The following ITLN2 variants were observed in gnomAD, a reference collection of about 807,000 sequenced individuals.
ITLN2 encodes intelectin 2, also known as intelectin-2.
In ITLN2, 29 loss-of-function variants were observed where a neutral mutation model predicts 39.4. The observed-to-expected ratio is 0.74, with a 90% CI of 0.55 to 1.00. The LOEUF is 1.00. Ranked by LOEUF, ITLN2 falls within the 50% of genes least tolerant of loss-of-function variation. The probability of loss-of-function intolerance (pLI) is 0.00; values close to 1 mark genes in which losing one functional copy is unlikely to be tolerated. For missense variants in ITLN2, 412 were observed against 416.7 expected, an observed-to-expected ratio of 0.99 and a Z score of 0.10; for synonymous variants, 156 against 153.4, an observed-to-expected ratio of 1.02 and a Z score of -0.12.
At position 160,954,717 on chromosome 1, in the gene ITLN2, T is replaced by C. The variant is rs2101942138; in HGVS notation, c.15+10A>G. ...CTCCCACACACATGGATCAAAAACA[T>C]TTTTCTCACCAGCATGGACAGCATC... On this transcript the variant is annotated intron_variant, in intron 1 of 7. Coordinates refer to ENST00000368029, the MANE Select transcript of ITLN2 (RefSeq NM_080878.3). 1 of 1,613,944 alleles carries C rather than the reference T, an allele frequency of 6.2e-7. No homozygotes were observed. Among genetic ancestry groups the C allele is most frequent in the Non-Finnish European group, 8.5e-7 (1 of 1,179,884 alleles).
At chr1:160,950,760 G>A (rs762771704) in intron 4 of ITLN2, 49 bp from the exon 5 acceptor site, 2 of 1,580,616 alleles carry the variant, frequency 1.3e-6, no homozygotes, top group South Asian at 1.2e-5. Flanking sequence ...GGTACCAGGA[G>A]GCAGAAGGTC....
intron 7 of ITLN2, among the ~76,000 whole-genome samples, chr1:160,945,886 C>T (rs1218744412): frequency 1.3e-5 from 2 of 152,148 alleles, no homozygotes; most frequent in African/African-American, 2.4e-5. Context: ...AAATATAAAG[C>T]TTCTAAAAGT....
intron 7 of ITLN2, among the ~76,000 whole-genome samples, chr1:160,947,685 T>C (rs1028347835): frequency 6.6e-6 from 1 of 152,230 alleles, no homozygotes; most frequent in Admixed American, 6.5e-5. Flanking sequence ...AACATATTGT[T>C]AACAAGGCAC....
At chr1:160,945,556 C>T (rs1671582313) in intron 7 of ITLN2, among the ~76,000 whole-genome samples, 1 of 152,194 alleles carries the variant, frequency 6.6e-6, no homozygotes, top group African/African-American at 2.4e-5. Flanking sequence ...AGGAAAAGGG[C>T]ATAAAGACAT....
intron 2 of ITLN2, among the ~76,000 whole-genome samples, chr1:160,953,256 G>A (rs935805242): frequency 2.0e-5 from 3 of 152,154 alleles, no homozygotes; most frequent in Admixed American, 6.5e-5. Flanking sequence ...AAAAACTACA[G>A]GTCAGTCGCT....
chr1:160,946,991 G>A (rs753519634), intron 7 of ITLN2, among the ~76,000 whole-genome samples: 8 of 152,164 alleles, frequency 5.3e-5, no homozygotes, highest in Non-Finnish European at 7.3e-5. Flanking sequence ...CAGAGACAAA[G>A]TATAGAGAAA....
intron 1 of ITLN2, 109 bp downstream of exon 1, chr1:160,954,618 A>G (rs1460367297): frequency 2.9e-6 from 4 of 1,381,320 alleles, no homozygotes; most frequent in Non-Finnish European, 4.1e-6. Context: ...AACACTACAA[A>G]TACCCAAGGG....
At chr1:160,951,517 C>CT (rs1671745684) in intron 3 of ITLN2, 1 of 552,926 alleles carries the variant, frequency 1.8e-6, no homozygotes, top group Non-Finnish European at 3.0e-6. Flanking sequence ...AGCAAATAGT[C>CT]TTAGAAGAGA....
At chr1:160,949,931 TG>T in intron 6 of ITLN2, 114 bp downstream of exon 6, 1 of 881,558 alleles carries the variant, frequency 1.1e-6, no homozygotes, top group Non-Finnish European at 1.8e-6. Flanking sequence ...GACAAGAGTC[TG>T]GTGCATTTTA....
Position 160,950,767 on chromosome 1 carries a change from G to A in ITLN2, c.442-56C>T, listed in dbSNP as rs956459459. The stretch of plus-strand genomic sequence containing the variant: ...GGCCAGGAGGTACCAGGAGGCAGAA[G>A]GTCCACATGTGCAGCCTCAGCTGGG... On this transcript the variant is annotated intron_variant, in intron 4 of 7. Coordinates refer to ENST00000368029, the MANE Select transcript of ITLN2 (RefSeq NM_080878.3). 26 of 1,572,938 alleles carry A rather than the reference G, an allele frequency of 1.7e-5. 1 individual carries two copies. The South Asian group carries it at 2.9e-4, about 17-fold the overall frequency.
At chr1:160,948,718 C>G (rs1671663375) in intron 6 of ITLN2, 1 of 151,994 alleles carries the variant, frequency 6.6e-6, no homozygotes, top group African/African-American at 2.4e-5. Flanking sequence ...CCTCCGCCTC[C>G]CAGGTTCAAG....
At chr1:160,950,865 C>T in intron 4 of ITLN2, 154 bp from the exon 5 acceptor site, 1 of 1,462,712 alleles carries the variant, frequency 6.8e-7, no homozygotes, top group Non-Finnish European at 9.3e-7. Flanking sequence ...ATGATCCCAC[C>T]ACCACCCAGG....
intron 7 of ITLN2, among the ~76,000 whole-genome samples, chr1:160,945,752 G>A (rs933715545): frequency 6.6e-6 from 1 of 152,112 alleles, no homozygotes; most frequent in Non-Finnish European, 1.5e-5. Context: ...CTAAGTGAAT[G>A]CCCTTGTTCT....
In ITLN2 at chr1:160,954,468, G is replaced by A. The variant is rs749305830; in HGVS notation, c.16-18C>T. The stretch of plus-strand genomic sequence containing the variant: ...ATTGTCCTCTAAGGAAAAACAAGAT[G>A]CACAAGGTCACTGGCTGGCCCTTCC... On this transcript the variant is annotated intron_variant, in intron 1 of 7. Transcript: ENST00000368029. The A allele has an allele frequency of 2.6e-6, 4 of 1,565,246 alleles. No individual in the cohort carries two copies. Among genetic ancestry groups the A allele is most frequent in the Non-Finnish European group, 3.5e-6 (4 of 1,150,624 alleles).
At chr1:160,946,703 A>T (rs1025356936) in intron 7 of ITLN2, among the ~76,000 whole-genome samples, 18 of 151,028 alleles carry the variant, frequency 1.2e-4, no homozygotes, top group African/African-American at 4.1e-4. Context: ...ACAGAGCGAG[A>T]CTCTGTCTCA....
At chr1:160,946,003 T>A (rs893086390) in intron 7 of ITLN2, among the ~76,000 whole-genome samples, 17 of 152,070 alleles carry the variant, frequency 1.1e-4, no homozygotes, top group African/African-American at 3.9e-4. Flanking sequence ...TAAACTGAAT[T>A]CCATTAAAAT....
chr1:160,951,279 A>C lies in ITLN2; in HGVS notation c.205T>G (p.Phe69Val). ...ACAACACCATTCTTGGTGCGGAGAA[A>C]ATACAGGCCATCTGTAGAGAGAACC... ...RCHSAGDGLY[F>V]LRTKNGVVYQ... Residue 69 changes from phenylalanine to valine, a missense_variant, in exon 4 of 8, where the codon TTT becomes GTT. By Grantham distance (50) the Phe-to-Val change is conservative. Transcript: ENST00000368029. 6.3e-7 allele frequency: 1 copy of C among 1,583,154 alleles called. No homozygotes were observed.
chr1:160,954,320 C>T (rs2101941873), intron 2 of ITLN2, 67 bp downstream of exon 2: 1 of 1,193,446 alleles, frequency 8.4e-7, no homozygotes, highest in South Asian at 1.4e-5. Flanking sequence ...AGCTCTACTC[C>T]CTCCAGGCCC....
Position 160,950,628 on chromosome 1 carries a change from G to A in ITLN2, c.525C>T (p.Asn175=). The A allele has an allele frequency of 6.2e-7, 1 of 1,614,216 alleles. No individual in the cohort carries two copies. The change falls in exon 5 of 8, where the codon AAC becomes AAT. Residue 175 remains asparagine (N), a synonymous_variant. Transcript: ENST00000368029. ...TGGTGCGGTACCTCAGCAGGGCGCT[G>A]TTTCTCCAATGCTGCATGGGGGACT... ...PNKSPMQHWR[N]SALLRYRTNT... is the part of the protein sequence containing the mutation.
Sources: allele counts gnomAD v4.1 joint callset (sites outside exome capture counted in the v4.1 genomes callset), GRCh38; gene constraint gnomAD v4.1.1; transcripts MANE v1.5; gene names NCBI Gene and HGNC (gene_info 2026-07-23, HGNC 2026-07-21).